The following EBF1 variants were observed in gnomAD, a reference collection of about 807,000 sequenced individuals.
EBF1 encodes transcription factor COE1.
EBF1 carries 10 observed loss-of-function variants against 68.4 expected under a neutral mutation model. The observed-to-expected ratio is 0.15, with a 90% CI of 0.09 to 0.25. EBF1 has a LOEUF of 0.25. Among genes scored for constraint, EBF1 ranks in the 10% least tolerant of loss-of-function variants. The pLI is 1.00. For synonymous variants in EBF1, 298 were observed against 299.8 expected, an observed-to-expected ratio of 0.99 and a Z score of 0.06; for missense variants, 509 against 794.4, an observed-to-expected ratio of 0.64 and a Z score of 4.32.
chr5:159,093,218 A>G (rs1584564957), intron 4 of EBF1, among the ~76,000 whole-genome samples: 1 of 152,204 alleles, frequency 6.6e-6, no homozygotes, highest in East Asian at 1.9e-4. Flanking sequence ...TAATCAAAGA[A>G]CAAGCAATTG....
intron 6 of EBF1, among the ~76,000 whole-genome samples, chr5:158,866,676 T>G (rs1285758736): frequency 6.6e-6 from 1 of 151,744 alleles, no homozygotes; most frequent in African/African-American, 2.4e-5. Flanking sequence ...TAATGTAACA[T>G]GTCGGCGTTT....
intron 11 of EBF1, among the ~76,000 whole-genome samples, chr5:158,723,810 C>A (rs1256323004): frequency 6.6e-6 from 1 of 152,094 alleles, no homozygotes; most frequent in South Asian, 2.1e-4. Flanking sequence ...AGATAAATAA[C>A]TTAAAGAGGT....
chr5:159,096,989 G>A lies in EBF1; in HGVS notation c.276C>T (p.Phe92=). The A allele has an allele frequency of 6.2e-7, 1 of 1,613,384 alleles. No individual in the cohort carries two copies. Among genetic ancestry groups the A allele is most frequent in the Non-Finnish European group, 8.5e-7 (1 of 1,179,808 alleles). The change falls in exon 2 of 16, where the codon TTC becomes TTT. Residue 92 remains phenylalanine (F), a synonymous_variant. Transcript: ENST00000313708. ...VEIERTAFVG[F]VEKEKEANSE... ...GCCCACTTACTTTTTCCTTCTCCAC[G>A]AACCCCACAAACGCTGTCCTCTCGA...
intron 6 of EBF1, among the ~76,000 whole-genome samples, chr5:159,043,782 G>T (rs1026373889): frequency 4.6e-5 from 7 of 152,122 alleles, no homozygotes; most frequent in Non-Finnish European, 7.4e-5. Flanking sequence ...CGTCATGAGG[G>T]CTTGCAGATG....
chr5:158,985,646 A>C lies in EBF1; in HGVS notation c.554+87750T>G, dbSNP rs368752678. ...TTAACCTTCCCCTCCTTTTCTTTCA[A>C]AGTTCTGGATCCACATATCCTTTTT... On this transcript the variant is annotated intron_variant, in intron 6 of 15. Coordinates refer to ENST00000313708, the MANE Select transcript of EBF1 (RefSeq NM_024007.5). 1.5e-3 allele frequency among the ~76,000 whole-genome samples: 229 copies of C among 152,190 alleles called. 1 individual carries two copies. Among genetic ancestry groups the C allele is most frequent in the African/African-American group, 5.3e-3 (218 of 41,518 alleles).
At chr5:158,867,168 C>G (rs531767376) in intron 6 of EBF1, among the ~76,000 whole-genome samples, 1 of 152,056 alleles carries the variant, frequency 6.6e-6, no homozygotes, top group Admixed American at 6.6e-5. Context: ...AGCCTGACAT[C>G]CCAGCTAATA....
At position 159,073,383 on chromosome 5, in the gene EBF1, G is replaced by A. The variant is rs1778177948; in HGVS notation, c.554+13C>T. On this transcript the variant is annotated intron_variant, in intron 6 of 15. Transcript: ENST00000313708. ...GAGGAATAAGAATCCAGTGAAAGAA[G>A]AGTGGTCCCTACCTGTCAATTATCA... 2 of 1,613,450 alleles carry A rather than the reference G, an allele frequency of 1.2e-6. No homozygotes were observed. The highest frequency in any genetic ancestry group is 1.7e-6 in the Non-Finnish European group (2 of 1,179,394).
intron 10 of EBF1, among the ~76,000 whole-genome samples, chr5:158,763,092 C>T (rs1771851198): frequency 6.6e-6 from 1 of 152,080 alleles, no homozygotes; most frequent in Non-Finnish European, 1.5e-5. Flanking sequence ...AATGATTTGC[C>T]TCTAAACCCA....
chr5:158,833,673 G>T (rs1199954979), intron 7 of EBF1, among the ~76,000 whole-genome samples: 1 of 152,192 alleles, frequency 6.6e-6, no homozygotes, highest in Admixed American at 6.5e-5. Flanking sequence ...GAATAGGAGA[G>T]GCATAAAATA....
intron 9 of EBF1, among the ~76,000 whole-genome samples, chr5:158,793,339 T>C (rs1231604291): frequency 6.6e-6 from 1 of 152,218 alleles, no homozygotes; most frequent in Admixed American, 6.5e-5. Context: ...CCTTGACAAA[T>C]GGCCTCAAAC....
intron 6 of EBF1, among the ~76,000 whole-genome samples, chr5:158,940,760 A>ACCCCCCCC (rs1561573632): frequency 2.8e-4 from 2 of 7,022 alleles, no homozygotes; most frequent in Admixed American, 2.8e-3. Flanking sequence ...CCTTCACCCC[A>ACCCCCCCC]CCGCCCCCCC....
At chr5:159,045,920 C>A (rs987264392) in intron 6 of EBF1, among the ~76,000 whole-genome samples, 1 of 152,144 alleles carries the variant, frequency 6.6e-6, no homozygotes, top group African/African-American at 2.4e-5. Context: ...CACCTTGATT[C>A]TCTTCTCCCT....
chr5:158,862,387 T>C (rs1236039530), intron 6 of EBF1, among the ~76,000 whole-genome samples: 1 of 152,102 alleles, frequency 6.6e-6, no homozygotes, highest in Non-Finnish European at 1.5e-5. Context: ...AAAACTCCAG[T>C]GAAGCAAGCA....
rs1001066 is a variant in EBF1, at chr5:158,900,741, A to G, written c.555-60631T>C. ...TTTATTGGGCACCAGGCGTTACACT[A>G]GGTACTTTACAAGCCTCAGTTAATG... On this transcript the variant is annotated intron_variant, in intron 6 of 15. Coordinates refer to ENST00000313708, the MANE Select transcript of EBF1 (RefSeq NM_024007.5). Among the ~76,000 whole-genome samples the G allele has an allele frequency of 0.044, 6,675 of 152,316 alleles. 805 individuals are homozygous for G. In the East Asian group the frequency reaches 0.47, roughly 11 times the overall value.
intron 6 of EBF1, among the ~76,000 whole-genome samples, chr5:158,956,890 C>G (rs1817245729): frequency 1.3e-5 from 2 of 151,894 alleles, no homozygotes; most frequent in African/African-American, 4.8e-5. Context: ...TCCGGAGTAG[C>G]TGGGACTACA....
At chr5:158,860,711 A>G (rs1794817188) in intron 6 of EBF1, among the ~76,000 whole-genome samples, 1 of 152,178 alleles carries the variant, frequency 6.6e-6, no homozygotes, top group African/African-American at 2.4e-5. Context: ...AACAAGTGAC[A>G]TTTTCTGATG....
chr5:158,711,359 A>T (rs1314638720), intron 14 of EBF1, among the ~76,000 whole-genome samples: 1 of 152,168 alleles, frequency 6.6e-6, no homozygotes, highest in Non-Finnish European at 1.5e-5. Context: ...ATGTTATACC[A>T]CCACCACCAC....
intron 4 of EBF1, among the ~76,000 whole-genome samples, chr5:159,088,938 A>G (rs1584534914): frequency 6.6e-6 from 1 of 152,196 alleles, no homozygotes; most frequent in Non-Finnish European, 1.5e-5. Context: ...CCAATGGCAA[A>G]TAAATCCCTT....
At chr5:159,064,435 G>A (rs767997414) in intron 6 of EBF1, among the ~76,000 whole-genome samples, 1 of 152,164 alleles carries the variant, frequency 6.6e-6, no homozygotes, top group African/African-American at 2.4e-5. Flanking sequence ...CCAATAAAGT[G>A]GATAGTTCCT....
Sources: allele counts gnomAD v4.1 joint callset (sites outside exome capture counted in the v4.1 genomes callset), GRCh38; gene constraint gnomAD v4.1.1; transcripts MANE v1.5; gene names NCBI Gene and HGNC (gene_info 2026-07-23, HGNC 2026-07-21).